The following TPRG1 variants were observed in gnomAD, a reference collection of about 807,000 sequenced individuals.
The protein encoded by TPRG1 is tumor protein p63-regulated gene 1 protein.
TPRG1 carries 29 observed loss-of-function variants against 29.3 expected under a neutral mutation model. The ratio of observed to expected loss-of-function variants is 0.99; its 90% CI spans 0.74 to 1.35. The LOEUF (loss-of-function observed/expected upper bound fraction) is 1.35. Ranked by LOEUF, TPRG1 falls within the 40% of genes most tolerant of loss-of-function variation. The pLI is 0.00. For missense variants in TPRG1, 327 were observed against 335.0 expected, an observed-to-expected ratio of 0.98 and a Z score of 0.19; for synonymous variants, 130 against 116.8, an observed-to-expected ratio of 1.11 and a Z score of -0.73.
intron 1 of TPRG1, among the ~76,000 whole-genome samples, chr3:189,205,834 T>C (rs1047277788): frequency 6.6e-6 from 1 of 152,216 alleles, no homozygotes; most frequent in African/African-American, 2.4e-5. Flanking sequence ...TTTTAAACCA[T>C]GTGTGATCAT....
At chr3:189,267,768 C>A (rs1401551963) in intron 4 of TPRG1, 1 of 152,158 alleles carries the variant, frequency 6.6e-6, no homozygotes, top group African/African-American at 2.4e-5. Flanking sequence ...CAACTGACAT[C>A]ATAAAGATTT....
At chr3:189,239,773 C>G (rs1740213551) in intron 4 of TPRG1, among the ~76,000 whole-genome samples, 1 of 152,160 alleles carries the variant, frequency 6.6e-6, no homozygotes, top group Non-Finnish European at 1.5e-5. Context: ...GGGATCATTC[C>G]TGGAAGTTCA....
chr3:189,070,666 G>A (rs370852254), intron 4 of TPRG1, among the ~76,000 whole-genome samples: 3 of 152,226 alleles, frequency 2.0e-5, no homozygotes, highest in African/African-American at 4.8e-5. Context: ...AGAACAATAC[G>A]ACAGTTTTAT....
chr3:189,148,248 TTACTC>T lies in TPRG1; in HGVS notation c.-227+604_-227+608del, dbSNP rs202019445. On this transcript the variant is annotated intron_variant, in intron 4 of 6. Transcript: ENST00000412373. ...TCGTTTTAATGGGAAAGTTTAAAGT[TTACTC>T]TAAACTTAGAAGGGGCCAGGCAACT... Among the ~76,000 whole-genome samples, 29 of 152,260 alleles carry T rather than the reference TTACTC, an allele frequency of 1.9e-4. No homozygotes were observed. In the East Asian group the frequency reaches 5.4e-3, roughly 28 times the overall value.
At chr3:189,057,492 C>T (rs950876361) in intron 4 of TPRG1, among the ~76,000 whole-genome samples, 1 of 149,462 alleles carries the variant, frequency 6.7e-6, no homozygotes, top group African/African-American at 2.5e-5. Flanking sequence ...CTTACAGAGC[C>T]CTGATTGCTT....
rs1409719001 is a variant in TPRG1 at position 189,024,782 on chromosome 3, T to A, written c.-463+836T>A. 3.3e-5 allele frequency among the ~76,000 whole-genome samples: 5 copies of A among 152,126 alleles called. No homozygotes were observed. The East Asian group carries it at 9.7e-4, about 29-fold the overall frequency. On this transcript the variant is annotated intron_variant, in intron 4 of 10. Transcript: ENST00000433971. ...CCCAGTAATGAGGAATGGATAAAGA[T>A]CCCTCTTAAGGAAGCAGTCTGGCCA...
chr3:189,068,184 GA>G (rs1307146377), intron 4 of TPRG1, among the ~76,000 whole-genome samples: 1 of 152,130 alleles, frequency 6.6e-6, no homozygotes, highest in Non-Finnish European at 1.5e-5. Context: ...AGAATGTGGA[GA>G]AAAAGTAACT....
At chr3:189,272,929 T>C (rs1560633834) in intron 4 of TPRG1, among the ~76,000 whole-genome samples, 1 of 152,166 alleles carries the variant, frequency 6.6e-6, no homozygotes, top group Non-Finnish European at 1.5e-5. Context: ...GGGTCTGTAA[T>C]GGAATAGCCA....
chr3:189,205,796 T>TAGAAACCA (rs2108797849), intron 1 of TPRG1, among the ~76,000 whole-genome samples: 1 of 152,334 alleles, frequency 6.6e-6, no homozygotes, highest in South Asian at 2.1e-4. Context: ...ATGTACAAAA[T>TAGAAACCA]AGAAACCAAG....
Position 189,016,737 on chromosome 3 carries a change from C to T in TPRG1, c.-659-7013C>T, listed in dbSNP as rs1052527173. ...TTTTATGAAAGTGTGTGGCACTTCC[C>T]CCTTCATGCTCTCTTTCTCCTGCTC... On this transcript the variant is annotated intron_variant, in intron 3 of 10. Coordinates refer to the TPRG1 transcript ENST00000433971. Among the ~76,000 whole-genome samples, 5 of 152,030 alleles carry T rather than the reference C, an allele frequency of 3.3e-5. No individual in the cohort carries two copies. The East Asian group carries it at 5.8e-4, about 18-fold the overall frequency.
intron 1 of TPRG1, among the ~76,000 whole-genome samples, chr3:189,194,710 C>T (rs1001442417): frequency 1.1e-4 from 17 of 152,132 alleles, no homozygotes; most frequent in East Asian, 5.8e-4. Flanking sequence ...CAACAGGGCT[C>T]AGTGGCAGCT....
intron 3 of TPRG1, among the ~76,000 whole-genome samples, chr3:189,019,317 A>G (rs1318398637): frequency 6.6e-6 from 1 of 152,148 alleles, no homozygotes; most frequent in African/African-American, 2.4e-5. Flanking sequence ...GCCAGTTTTC[A>G]AAGGGAATGC....
At chr3:189,049,012 A>G (rs1171294972) in intron 4 of TPRG1, among the ~76,000 whole-genome samples, 1 of 152,152 alleles carries the variant, frequency 6.6e-6, no homozygotes, top group African/African-American at 2.4e-5. Context: ...CAGGCAACCC[A>G]TTCCTGCATG....
At chr3:189,068,246 A>C (rs1438217302) in intron 4 of TPRG1, among the ~76,000 whole-genome samples, 1 of 152,238 alleles carries the variant, frequency 6.6e-6, no homozygotes, top group Admixed American at 6.5e-5. Context: ...TATAGAGAAC[A>C]GTATGGTGGT....
chr3:189,153,999 T>C (rs1025410756), intron 5 of TPRG1, among the ~76,000 whole-genome samples: 1 of 152,198 alleles, frequency 6.6e-6, no homozygotes, highest in Non-Finnish European at 1.5e-5. Flanking sequence ...TGAGTTCCCA[T>C]CATCTCTCCA....
At chr3:189,047,715 C>T (rs1000750697) in intron 4 of TPRG1, among the ~76,000 whole-genome samples, 1 of 152,182 alleles carries the variant, frequency 6.6e-6, no homozygotes, top group South Asian at 2.1e-4. Flanking sequence ...CCTTTGTTGT[C>T]ATTTCAACAA....
chr3:189,099,945 C>G (rs1265423469), upstream of TPRG1, among the ~76,000 whole-genome samples: 1 of 152,142 alleles, frequency 6.6e-6, no homozygotes, highest in Non-Finnish European at 1.5e-5. Context: ...GTCTTTTGTC[C>G]CACGTAGGTC....
intron 5 of TPRG1, among the ~76,000 whole-genome samples, chr3:189,166,572 C>T (rs1213789354): frequency 6.6e-6 from 1 of 152,224 alleles, no homozygotes; most frequent in Non-Finnish European, 1.5e-5. Flanking sequence ...TCCATGCCTA[C>T]AGAGAAATGC....
chr3:189,149,674 C>G (rs1474938189), intron 4 of TPRG1, among the ~76,000 whole-genome samples: 1 of 152,170 alleles, frequency 6.6e-6, no homozygotes, highest in East Asian at 1.9e-4. Context: ...TTCTCTTGTT[C>G]CTTGTCTTTA....
Sources: gnomAD v4.1 joint callset for allele counts (sites outside exome capture counted in the v4.1 genomes callset) on GRCh38, gnomAD v4.1.1 for gene constraint, MANE v1.5 for transcripts, NCBI Gene and HGNC (gene_info 2026-07-23, HGNC 2026-07-21) for gene names.